NEGR1: variants seen among roughly 807,000 people sequenced by gnomAD.
The protein encoded by NEGR1 is neuronal growth regulator 1.
Under a neutral mutation model 40.9 loss-of-function variants are expected in NEGR1, and 10 were observed. The ratio of observed to expected loss-of-function variants is 0.24; its 90% CI spans 0.15 to 0.42. The LOEUF is 0.42. Ranked by LOEUF, NEGR1 falls within the 10% of genes least tolerant of loss-of-function variation. The pLI is 1.00. For missense variants in NEGR1, 352 were observed against 438.9 expected (o/e 0.80, Z 1.77); for synonymous variants, 185 against 166.8 (o/e 1.11, Z -0.84).
intron 1 of NEGR1, among the ~76,000 whole-genome samples, chr1:72,268,888 A>T (rs917963654): frequency 4.7e-5 from 7 of 148,210 alleles, no homozygotes; most frequent in Admixed American, 4.0e-4. Flanking sequence ...TGGGTTATAA[A>T]GGTTTGAAAG....
At chr1:72,050,995 T>C (rs2100475698) in intron 1 of NEGR1, among the ~76,000 whole-genome samples, 1 of 151,616 alleles carries the variant, frequency 6.6e-6, no homozygotes, top group South Asian at 2.1e-4. Context: ...AGTAATTCTT[T>C]TTTTCCTATT....
intron 3 of NEGR1, among the ~76,000 whole-genome samples, chr1:71,771,559 G>T (rs756322766): frequency 6.6e-6 from 1 of 151,742 alleles, no homozygotes; most frequent in Non-Finnish European, 1.5e-5. Context: ...AATTAGCCAG[G>T]CATGGTGGCG....
At chr1:72,017,376 C>A (rs1174746170) in intron 1 of NEGR1, among the ~76,000 whole-genome samples, 3 of 151,974 alleles carry the variant, frequency 2.0e-5, no homozygotes, top group Non-Finnish European at 2.9e-5. Context: ...TATTTCTTTA[C>A]AAAATTAGGC....
At chr1:71,592,075 GA>G (rs1177978756) in intron 6 of NEGR1, among the ~76,000 whole-genome samples, 1 of 152,042 alleles carries the variant, frequency 6.6e-6, no homozygotes, top group East Asian at 1.9e-4. Flanking sequence ...AACATTTTGA[GA>G]AACATTTGAT....
intron 2 of NEGR1, among the ~76,000 whole-genome samples, chr1:71,887,992 GACACACACACAC>G (rs57794150): frequency 1.0e-3 from 140 of 138,268 alleles, no homozygotes; most frequent in African/African-American, 2.2e-3. Context: ...CTTTTGAAAG[GACACACACACAC>G]ACACACACAC....
intron 1 of NEGR1, among the ~76,000 whole-genome samples, chr1:72,135,918 T>G (rs960949741): frequency 1.3e-5 from 2 of 152,180 alleles, no homozygotes; most frequent in East Asian, 3.8e-4. Context: ...CACAATAGAT[T>G]TGCCTTAGTG....
At chr1:72,108,035 T>C (rs1406702479) in intron 1 of NEGR1, among the ~76,000 whole-genome samples, 1 of 151,602 alleles carries the variant, frequency 6.6e-6, no homozygotes, top group Non-Finnish European at 1.5e-5. Flanking sequence ...GAGTATAATC[T>C]TCAGTAAAAA....
At chr1:72,120,506 T>C (rs967010702) in intron 1 of NEGR1, among the ~76,000 whole-genome samples, 1 of 140,580 alleles carries the variant, frequency 7.1e-6, no homozygotes, top group Non-Finnish European at 1.6e-5. Context: ...ACTTCTTTTT[T>C]TTTCTTTCTT....
At chr1:72,042,410 G>A (rs1188495852) in intron 1 of NEGR1, among the ~76,000 whole-genome samples, 2 of 151,970 alleles carry the variant, frequency 1.3e-5, no homozygotes, top group Admixed American at 6.6e-5. Flanking sequence ...GCCAGAGAGT[G>A]CATTTCCTGC....
Position 72,156,335 on chromosome 1 carries a change from G to A in NEGR1, c.176+125984C>T, listed in dbSNP as rs962096192. Among the ~76,000 whole-genome samples the A allele has an allele frequency of 2.6e-5, 4 of 151,986 alleles. No individual in the cohort carries two copies. In the East Asian group the frequency reaches 7.7e-4, roughly 29 times the overall value. On this transcript the variant is annotated intron_variant, in intron 1 of 6. Coordinates refer to ENST00000357731, the MANE Select transcript of NEGR1 (RefSeq NM_173808.3). ...TATTTTGGGGCTTGGGAGTCAACAA[G>A]GCTACCAGCTCCATTTCACAAGGTT...
intron 1 of NEGR1, among the ~76,000 whole-genome samples, chr1:72,168,891 C>T (rs115718940): frequency 0.017 from 2,570 of 152,090 alleles, 85 homozygotes; most frequent in African/African-American, 0.059. Flanking sequence ...CAGAGAGAGA[C>T]CCTGTCTTCA....
At chr1:71,721,702 A>G (rs372064479) in intron 3 of NEGR1, among the ~76,000 whole-genome samples, 9 of 152,254 alleles carry the variant, frequency 5.9e-5, no homozygotes, top group Admixed American at 5.2e-4. Context: ...ACAATTTTGT[A>G]AGCATTTCCA....
intron 6 of NEGR1, among the ~76,000 whole-genome samples, chr1:71,544,226 T>G (rs1479975591): frequency 1.3e-5 from 2 of 151,720 alleles, no homozygotes; most frequent in Non-Finnish European, 3.0e-5. Flanking sequence ...GTAGTATATA[T>G]TTTTTGCTAA....
At chr1:72,041,611 T>G (rs2100457599) in intron 1 of NEGR1, among the ~76,000 whole-genome samples, 1 of 150,756 alleles carries the variant, frequency 6.6e-6, no homozygotes, top group East Asian at 1.9e-4. Flanking sequence ...TCAAATATGG[T>G]TTTGTGACCC....
intron 1 of NEGR1, among the ~76,000 whole-genome samples, chr1:71,947,705 T>G (rs1003572604): frequency 6.6e-6 from 1 of 151,880 alleles, no homozygotes; most frequent in Non-Finnish European, 1.5e-5. Context: ...TTGTGAAAGG[T>G]GACAGTAAAA....
At chr1:71,539,567 T>C (rs557151919) in intron 6 of NEGR1, among the ~76,000 whole-genome samples, 1 of 151,686 alleles carries the variant, frequency 6.6e-6, no homozygotes, top group African/African-American at 2.4e-5. Flanking sequence ...TATGATGGAG[T>C]AAAGGAAGAT....
intron 6 of NEGR1, among the ~76,000 whole-genome samples, chr1:71,506,245 C>T (rs913623772): frequency 6.6e-6 from 1 of 152,210 alleles, no homozygotes; most frequent in Admixed American, 6.5e-5. Flanking sequence ...AAAGCAGGCC[C>T]TCATTGCAGC....
Position 72,109,471 on chromosome 1 carries a change from A to G in NEGR1, c.176+172848T>C, listed in dbSNP as rs192001652. On this transcript the variant is annotated intron_variant, in intron 1 of 6. Coordinates refer to ENST00000357731, the MANE Select transcript of NEGR1 (RefSeq NM_173808.3). ...AGTATTGTTAAAAATTTTTCCTAAA[A>G]AATGTCTACAGAGACTTATTAACTT... Among the ~76,000 whole-genome samples, 127 of 151,768 alleles carry G rather than the reference A, an allele frequency of 8.4e-4. 1 individual carries two copies. Among genetic ancestry groups the G allele is most frequent in the Admixed American group, 8.4e-3 (127 of 15,190 alleles).
chr1:72,170,774 G>T (rs931810009), intron 1 of NEGR1, among the ~76,000 whole-genome samples: 1 of 152,074 alleles, frequency 6.6e-6, no homozygotes, highest in African/African-American at 2.4e-5. Context: ...TGTTGTTTTT[G>T]GGTTTCCTTA....
Sources: allele counts gnomAD v4.1 joint callset (sites outside exome capture counted in the v4.1 genomes callset), GRCh38; gene constraint gnomAD v4.1.1; transcripts MANE v1.5; gene names NCBI Gene and HGNC (gene_info 2026-07-23, HGNC 2026-07-21).